The following TIAM1 variants were observed in gnomAD, a reference collection of about 807,000 sequenced individuals.
TIAM1 encodes rho guanine nucleotide exchange factor TIAM1.
TIAM1 carries 65 observed loss-of-function variants against 163.5 expected under a neutral mutation model. The observed-to-expected ratio is 0.40, with a 90% confidence interval of 0.33 to 0.49. The LOEUF (loss-of-function observed/expected upper bound fraction) is 0.49. Ranked by LOEUF, TIAM1 falls within the 20% of genes least tolerant of loss-of-function variation. TIAM1 has a pLI of 0.77. For synonymous variants in TIAM1, 833 were observed against 810.1 expected (o/e 1.03, Z -0.48); for missense variants, 1,789 against 2,044.7 (o/e 0.87, Z 2.41).
intron 2 of TIAM1, among the ~76,000 whole-genome samples, chr21:31,421,143 G>A (rs1367201785): frequency 6.8e-6 from 1 of 147,124 alleles, no homozygotes; most frequent in African/African-American, 2.5e-5. Context: ...AAAAAAAAAA[G>A]AAAAGAAAAG....
At chr21:31,475,062 T>TTATTATTATTATTATTATTA (rs374227573) in intron 1 of TIAM1, among the ~76,000 whole-genome samples, 18 of 75,934 alleles carry the variant, frequency 2.4e-4, no homozygotes, top group Admixed American at 5.8e-4. Flanking sequence ...ATTATTATTA[T>TTATTATTATTATTATTATTA]TTAGTTTTAG....
At chr21:31,418,892 A>C (rs1015619333) in intron 2 of TIAM1, among the ~76,000 whole-genome samples, 6 of 152,290 alleles carry the variant, frequency 3.9e-5, no homozygotes, top group African/African-American at 1.4e-4. Flanking sequence ...TGAAGGAAAG[A>C]AAAAGGAGTC....
chr21:31,521,684 C>G (rs978297602), intron 1 of TIAM1, among the ~76,000 whole-genome samples: 44 of 150,742 alleles, frequency 2.9e-4, no homozygotes, highest in Middle Eastern at 3.4e-3. Context: ...CTGTAGTGAG[C>G]CATGACTTGT....
intron 1 of TIAM1, among the ~76,000 whole-genome samples, chr21:31,509,565 T>C (rs1488020295): frequency 3.9e-5 from 6 of 152,188 alleles, no homozygotes; most frequent in Non-Finnish European, 7.3e-5. Flanking sequence ...AGCCGTTTCA[T>C]AGCATGTCTC....
chr21:31,256,569 A>C (rs2146768777), intron 4 of TIAM1, among the ~76,000 whole-genome samples: 1 of 142,714 alleles, frequency 7.0e-6, no homozygotes, highest in South Asian at 2.3e-4. Flanking sequence ...CTAACCCCAA[A>C]ATATTAAGTA....
intron 1 of TIAM1, among the ~76,000 whole-genome samples, chr21:31,524,728 GCAATGCTC>G (rs1156956546): frequency 6.6e-6 from 1 of 152,126 alleles, no homozygotes; most frequent in Admixed American, 6.6e-5. Context: ...ATTTTATCAT[GCAATGCTC>G]CTTTAGCTAG....
At chr21:31,514,648 G>A (rs766315442) in intron 1 of TIAM1, among the ~76,000 whole-genome samples, 1 of 152,110 alleles carries the variant, frequency 6.6e-6, no homozygotes, top group Non-Finnish European at 1.5e-5. Flanking sequence ...AGCCAAGATT[G>A]CACCGCTGTT....
intron 12 of TIAM1, among the ~76,000 whole-genome samples, chr21:31,196,478 A>ATTTTTTTTTTTTTTTTTTTTTT (rs59358430): frequency 5.3e-5 from 7 of 133,090 alleles, no homozygotes; most frequent in African/African-American, 2.2e-4. Context: ...CATCTGGCTA[A>ATTTTTTTTTTTTTTTTTTTTTT]TTTTTTTTTT....
At chr21:31,139,792 C>T (rs2082763882) in intron 22 of TIAM1, among the ~76,000 whole-genome samples, 1 of 152,164 alleles carries the variant, frequency 6.6e-6, no homozygotes, top group East Asian at 1.9e-4. Context: ...AACTACATAT[C>T]CTCTACAGCA....
At chr21:31,558,290 G>C (rs892392226) in intron 1 of TIAM1, among the ~76,000 whole-genome samples, 1 of 152,138 alleles carries the variant, frequency 6.6e-6, no homozygotes, top group Admixed American at 6.5e-5. Context: ...ATGAGGCATT[G>C]TCTGCGCACC....
chr21:31,164,869 G>T, intron 16 of TIAM1, 93 bp downstream of exon 16: 1 of 1,277,306 alleles, frequency 7.8e-7, no homozygotes, highest in South Asian at 1.3e-5. Context: ...CCATGGAGAG[G>T]CCTGGTAACC....
intron 2 of TIAM1, chr21:31,453,177 G>T: frequency 3.7e-6 from 1 of 267,200 alleles, no homozygotes; most frequent in South Asian, 5.5e-5. Flanking sequence ...GTGGTGTTAC[G>T]GCGGTGGAAA....
intron 6 of TIAM1, among the ~76,000 whole-genome samples, chr21:31,240,234 T>G (rs943332620): frequency 6.6e-6 from 1 of 152,020 alleles, no homozygotes; most frequent in African/African-American, 2.4e-5. Flanking sequence ...GGTAGGAGGG[T>G]TAAGAACTTC....
intron 2 of TIAM1, among the ~76,000 whole-genome samples, chr21:31,290,994 C>G (rs994917234): frequency 7.2e-5 from 11 of 152,084 alleles, no homozygotes; most frequent in African/African-American, 2.4e-4. Flanking sequence ...TTTGCAACAA[C>G]GATAATAACA....
rs2071822549 is a variant in TIAM1 at position 31,251,816 on chromosome 21, A to G, written c.1337T>C (p.Leu446Pro). 1 of 1,613,050 alleles carries G rather than the reference A, an allele frequency of 6.2e-7. No homozygotes were observed. The highest frequency in any genetic ancestry group is 1.1e-5 in the South Asian group (1 of 91,000). ...KAGALAVKNFLVHKKNKKVES... is the reference protein window; with the variant it reads ...KAGALAVKNFPVHKKNKKVES... ...CACCTTCTTGTTCTTCTTGTGCACC[A>G]GGAAGTTCTTGACGGCCAGGGCGCC... Residue 446 changes from leucine (L) to proline (P), a missense_variant, in exon 5 of 28, where the codon CTG (leucine) becomes CCG (proline). Transcript: ENST00000541036.
chr21:31,222,695 A>ATT (rs1569056161), intron 8 of TIAM1, among the ~76,000 whole-genome samples: 1 of 35,834 alleles, frequency 2.8e-5, no homozygotes, highest in African/African-American at 1.4e-4. Context: ...ATATATATAT[A>ATT]TATATATATA....
chr21:31,450,527 G>C (rs1274098959), intron 2 of TIAM1, among the ~76,000 whole-genome samples: 1 of 152,092 alleles, frequency 6.6e-6, no homozygotes, highest in Non-Finnish European at 1.5e-5. Flanking sequence ...ATACCCAAAG[G>C]ACCTCAGTGA....
At chr21:31,521,703 A>G (rs182489881) in intron 1 of TIAM1, among the ~76,000 whole-genome samples, 94 of 150,672 alleles carry the variant, frequency 6.2e-4, no homozygotes, top group African/African-American at 2.3e-3. Flanking sequence ...GTACCACTGC[A>G]TGCCAGCCTG....
At chr21:31,294,815 T>C (rs1234354611) in intron 2 of TIAM1, among the ~76,000 whole-genome samples, 1 of 152,172 alleles carries the variant, frequency 6.6e-6, no homozygotes, top group Non-Finnish European at 1.5e-5. Context: ...TGCGGCTGCC[T>C]CACTCGCACA....
Sources: allele counts gnomAD v4.1 joint callset (sites outside exome capture counted in the v4.1 genomes callset), GRCh38; gene constraint gnomAD v4.1.1; transcripts MANE v1.5; gene names NCBI Gene and HGNC (gene_info 2026-07-23, HGNC 2026-07-21).